Variants in GAS5 observed in about 807,000 individuals in gnomAD.
GAS5 encodes growth arrest specific 5 (non-protein coding).
intron 7 of GAS5, chr1:173,864,132 G>C (rs772066514): frequency 3.9e-6 from 2 of 515,560 alleles, no homozygotes; most frequent in Non-Finnish European, 7.8e-6. Flanking sequence ...CAATTAAAAT[G>C]CTACATGGGA....
intron 3 of GAS5, chr1:173,866,405 C>CA (rs769998794): frequency 1.6e-5 from 9 of 558,976 alleles, no homozygotes; most frequent in Non-Finnish European, 2.8e-5. Flanking sequence ...AACTTAGTAT[C>CA]AATATGAGAG....
chr1:173,864,903 T>C (rs1229242841), intron 6 of GAS5: 1 of 518,944 alleles, frequency 1.9e-6, no homozygotes, highest in Non-Finnish European at 3.8e-6. Context: ...ATCATCATTG[T>C]ATCGGCTTTA....
chr1:173,865,157 G>A (rs563164956), intron 6 of GAS5: 5 of 334,306 alleles, frequency 1.5e-5, no homozygotes, highest in East Asian at 8.0e-5. Flanking sequence ...TGATAGTGCC[G>A]CTGCACTCCA....
chr1:173,866,840 C>T, intron 1 of GAS5: 2 of 765,460 alleles, frequency 2.6e-6, no homozygotes, highest in Non-Finnish European at 4.8e-6. Context: ...GAATGAACCT[C>T]ACAGCAGTCA....
At chr1:173,864,452 A>G (rs756222554) in intron 6 of GAS5, 1 of 518,132 alleles carries the variant, frequency 1.9e-6, no homozygotes, top group Non-Finnish European at 3.9e-6. Flanking sequence ...GGTTACACTG[A>G]AAATCATCAC....
chr1:173,864,281 T>TG, exon 7 of GAS5: 16 of 513,186 alleles, frequency 3.1e-5, no homozygotes, highest in South Asian at 2.2e-4. Flanking sequence ...GCTGCATGCT[T>TG]GCTTGTTGTG....
In GAS5 at chr1:173,865,515, C is replaced by G. The variant is rs1175742957; in HGVS notation, n.232G>C. ...AACTGTCTTCATGTCCTTACCCAAG[C>G]AAGTCATCCATGGATAAAAACGTTA... On this transcript the variant is annotated non_coding_transcript_exon_variant, in exon 6 of 8. Coordinates refer to ENST00000651080, the Ensembl canonical transcript of GAS5. The G allele has an allele frequency of 7.8e-6, 4 of 510,118 alleles. No individual in the cohort carries two copies. The Admixed American group carries it at 7.9e-5, about 10-fold the overall frequency. The allele number at this position is 510,118 out of a possible 1,614,324, so 31.6% of individuals were successfully genotyped here.
At chr1:173,867,731 C>A (rs756682473), upstream of GAS5, 21 of 519,024 alleles carry the variant, frequency 4.0e-5, 1 homozygote, top group South Asian at 2.7e-4. Flanking sequence ...CCAACACAGG[C>A]TTCATCAGAG....
intron 1 of GAS5, chr1:173,866,848 T>C: frequency 3.9e-6 from 3 of 765,466 alleles, no homozygotes. Context: ...CTCACAGCAG[T>C]CACGTTAAAT....
upstream of GAS5, chr1:173,867,062 G>A (rs1399601195): frequency 1.2e-5 from 8 of 693,316 alleles, no homozygotes; most frequent in Non-Finnish European, 2.1e-5. Flanking sequence ...ATCAGGTACA[G>A]ATTTTAATTC....
chr1:173,867,077 T>C (rs1289838000), upstream of GAS5: 1 of 668,724 alleles, frequency 1.5e-6, no homozygotes, highest in East Asian at 2.5e-5. Context: ...TAATTCATTG[T>C]TCCACGGTTC....
chr1:173,864,922 A>G (rs778023909), intron 6 of GAS5: 8 of 517,020 alleles, frequency 1.5e-5, no homozygotes, highest in South Asian at 1.1e-4. Context: ...TACAACACTT[A>G]AAAACCAGAC....
chr1:173,865,529 A>C (rs1035354710), exon 6 of GAS5: 2 of 514,160 alleles, frequency 3.9e-6, no homozygotes, highest in African/African-American at 3.9e-5. Context: ...TCATCCATGG[A>C]TAAAAACGTT....
intron 6 of GAS5, chr1:173,864,392 G>C: frequency 1.9e-6 from 1 of 519,018 alleles, no homozygotes; most frequent in Middle Eastern, 3.2e-4. Flanking sequence ...AAATGGAACG[G>C]TTTTACAGTG....
At chr1:173,864,454 AATC>A (rs777278471) in intron 6 of GAS5, 12 of 518,022 alleles carry the variant, frequency 2.3e-5, no homozygotes, top group South Asian at 1.7e-4. Context: ...TTACACTGAA[AATC>A]ATCACATGTA....
chr1:173,864,494 A>G (rs1557868860), intron 6 of GAS5: 3 of 497,902 alleles, frequency 6.0e-6, no homozygotes, highest in East Asian at 5.5e-5. Context: ...CTAGTTTAGG[A>G]TAACAGGTCT....
upstream of GAS5, chr1:173,867,622 A>G (rs1000640330): frequency 1.9e-6 from 1 of 517,992 alleles, no homozygotes; most frequent in African/African-American, 1.9e-5. Flanking sequence ...CGGCTGATGG[A>G]GGCTCGGGTC....
upstream of GAS5, chr1:173,868,054 G>A: frequency 5.8e-6 from 1 of 171,354 alleles, no homozygotes; most frequent in Non-Finnish European, 1.3e-5. Context: ...GCACGCTCCC[G>A]GCAGCGTCCG....
At chr1:173,866,105 G>GT in intron 4 of GAS5, 1 of 510,824 alleles carries the variant, frequency 2.0e-6, no homozygotes, top group Admixed American at 2.0e-5. Context: ...GCACTAGGAG[G>GT]TAACTAAAAA....
Sources: allele counts gnomAD v4.1 joint callset, GRCh38; gene constraint gnomAD v4.1.1; transcripts MANE v1.5; gene names NCBI Gene and HGNC (gene_info 2026-07-23, HGNC 2026-07-21).